ADNP2: variants seen among roughly 807,000 people sequenced by gnomAD.
The protein encoded by ADNP2 is activity-dependent neuroprotector homeobox protein 2.
Under a neutral mutation model 16.4 loss-of-function variants are expected in ADNP2, and 8 were observed. That is an observed-to-expected ratio of 0.49 (90% CI 0.29 to 0.88). The LOEUF (loss-of-function observed/expected upper bound fraction) is 0.88, where lower values mean the gene tolerates loss of function less well. Ranked by LOEUF, ADNP2 falls within the 40% of genes least tolerant of loss-of-function variation. ADNP2 has a pLI of 0.09. For synonymous variants in ADNP2, 637 were observed against 545.8 expected, an observed-to-expected ratio of 1.17 and a Z score of -2.33; for missense variants, 1,397 against 1,395.1, an observed-to-expected ratio of 1.00 and a Z score of -0.02.
At position 80,136,159 on chromosome 18, in the gene ADNP2, C is replaced by G; in HGVS notation, c.746C>G (p.Ser249Cys). ...IHRDLENKLR[S>C]VISEHIKRTG... The stretch of plus-strand genomic sequence containing the variant: ...AGAGATTTGGAGAATAAGCTTAGAT[C>G]TGTGATTTCAGAACATATTAAGAGG... Residue 249 changes from serine (S) to cysteine (C), a missense_variant, in exon 4 of 4, where the codon TCT becomes TGT. Ser to Cys is a moderately radical substitution (Grantham distance 112). Around this residue, in one of 3 missense-constraint regions of ADNP2, gnomAD observed 777 missense variants for 719.4 expected, o/e 1.08. Coordinates refer to ENST00000262198, the MANE Select transcript of ADNP2 (RefSeq NM_014913.4). 1 of 1,614,238 alleles carries G rather than the reference C, an allele frequency of 6.2e-7. No individual in the cohort carries two copies. Among genetic ancestry groups the G allele is most frequent in the African/African-American group, 1.3e-5 (1 of 75,070 alleles).
intron 2 of ADNP2, among the ~76,000 whole-genome samples, chr18:80,118,354 G>C (rs1568409067): frequency 1.3e-5 from 2 of 152,182 alleles, no homozygotes; most frequent in South Asian, 2.1e-4. Flanking sequence ...CTTGAACCTG[G>C]GTGGCAGAAG....
At position 80,138,887 on chromosome 18, in the gene ADNP2, C is replaced by T; in HGVS notation, c.*78C>T. 7.6e-7 allele frequency: 1 copy of T among 1,309,800 alleles called. No individual in the cohort carries two copies. Among genetic ancestry groups the T allele is most frequent in the Non-Finnish European group, 1.0e-6 (1 of 988,530 alleles). 81.1% of individuals were successfully genotyped at this position (1,309,800 alleles called of 1,614,324 possible). A position where few individuals can be genotyped will look rare whatever the true frequency, so the allele number is the denominator to read the frequency against. On this transcript the variant is annotated 3_prime_UTR_variant, in exon 4 of 4. Transcript: ENST00000262198. ...AGTTGAAATTTCACAGTGTTGTCCT[C>T]ACTGTGTTGGTGAATCAACCTCAGT...
At chr18:80,118,972 T>C (rs1008117711) in intron 2 of ADNP2, among the ~76,000 whole-genome samples, 1 of 152,180 alleles carries the variant, frequency 6.6e-6, no homozygotes, top group Non-Finnish European at 1.5e-5. Flanking sequence ...AGAAGTTTTT[T>C]ATAGGAAAAT....
chr18:80,131,074 C>G (rs2052493071), intron 2 of ADNP2, among the ~76,000 whole-genome samples: 1 of 152,126 alleles, frequency 6.6e-6, no homozygotes, highest in African/African-American at 2.4e-5. Context: ...AAGGTGGAGG[C>G]CTTCCTTCTA....
intron 2 of ADNP2, among the ~76,000 whole-genome samples, chr18:80,129,462 A>G (rs764705676): frequency 3.3e-5 from 5 of 152,044 alleles, no homozygotes; most frequent in Admixed American, 1.3e-4. Flanking sequence ...ACCCTGTTAC[A>G]TCTAGTGGTT....
intron 2 of ADNP2, among the ~76,000 whole-genome samples, chr18:80,127,204 G>A (rs182655719): frequency 3.3e-5 from 5 of 152,250 alleles, no homozygotes; most frequent in African/African-American, 7.2e-5. Flanking sequence ...TATATGTAGC[G>A]TTTGGCACTG....
Position 80,138,816 on chromosome 18 carries a change from C to CAAAAAAAA in ADNP2, c.*14_*21dup, listed in dbSNP as rs11411000. The CAAAAAAAA allele has an allele frequency of 8.9e-7, 1 of 1,128,708 alleles. No homozygotes were observed. The allele number at this position is 1,128,708 out of a possible 1,614,324, so 69.9% of individuals were successfully genotyped here. Reference sequence around the variant, plus strand: ...CTTTGAATATGAACCATAAAACTTGCAAAAAAAAAAAAAAGTAACTCTAAA... The same window carrying CAAAAAAAA: ...CTTTGAATATGAACCATAAAACTTGCAAAAAAAAAAAAAAAAAAAAAAGTAACTCTAAA... On this transcript the variant is annotated 3_prime_UTR_variant, in exon 4 of 4. Transcript: ENST00000262198.
chr18:80,112,078 C>T (rs1054638401), intron 1 of ADNP2, among the ~76,000 whole-genome samples: 4 of 152,014 alleles, frequency 2.6e-5, no homozygotes, highest in Non-Finnish European at 5.9e-5. Flanking sequence ...AGTTGGCCGC[C>T]CCGGTTAGCC....
chr18:80,132,630 T>TTCTCTCTTTTTTTCTCTC (rs2052504412), intron 2 of ADNP2, among the ~76,000 whole-genome samples: 1 of 151,636 alleles, frequency 6.6e-6, no homozygotes, highest in Admixed American at 6.6e-5. Flanking sequence ...TTTTTTCTCT[T>TTCTCTCTTTTTTTCTCTC]TCTCTCTTTT....
At chr18:80,128,669 T>A (rs1325337970) in intron 2 of ADNP2, among the ~76,000 whole-genome samples, 15 of 152,126 alleles carry the variant, frequency 9.9e-5, no homozygotes, top group Admixed American at 9.8e-4. Context: ...AATAAATAAA[T>A]AAAAATAAAG....
rs771009049 is a variant in ADNP2 at position 80,138,375 on chromosome 18, G to A, written c.2962G>A (p.Glu988Lys). Residue 988 changes from glutamate to lysine, a missense_variant, in exon 4 of 4, where the codon GAA (glutamate) becomes AAA (lysine). Glu to Lys is a moderately conservative substitution (Grantham distance 56). Around this residue, in one of 3 missense-constraint regions of ADNP2, gnomAD observed 611 missense variants for 648.7 expected, o/e 0.94. Coordinates refer to ENST00000262198, the MANE Select transcript of ADNP2 (RefSeq NM_014913.4). Reference protein sequence around the residue: ...RKLPDGHLGAEDQRHGEEQPP... With the variant: ...RKLPDGHLGAKDQRHGEEQPP... Reference sequence around the variant, plus strand: ...GCTGCCTGACGGCCACTTAGGGGCCGAAGACCAGCGGCATGGGGAGGAGCA... The same window carrying A: ...GCTGCCTGACGGCCACTTAGGGGCCAAAGACCAGCGGCATGGGGAGGAGCA... 1.7e-5 allele frequency: 28 copies of A among 1,613,954 alleles called. No individual in the cohort carries two copies. In the East Asian group the frequency reaches 2.2e-4, roughly 13 times the overall value.
At chr18:80,125,749 T>C (rs1215836141) in intron 2 of ADNP2, among the ~76,000 whole-genome samples, 1 of 152,148 alleles carries the variant, frequency 6.6e-6, no homozygotes, top group African/African-American at 2.4e-5. Flanking sequence ...AGTTCAAGGC[T>C]GCAATGAGCC....
chr18:80,136,996 C>T lies in ADNP2; in HGVS notation c.1583C>T (p.Ser528Phe). The change falls in exon 4 of 4, where the codon TCC (serine) becomes TTC (phenylalanine). Residue 528 changes from serine to phenylalanine, a missense_variant. Transcript: ENST00000262198. ...GLLSPNQTVS[S>F]SAVVPVNQGV... is the part of the protein sequence containing the mutation. ...CTTTCTCCCAACCAGACAGTCTCCT[C>T]CTCAGCTGTTGTGCCTGTAAACCAG... 6.2e-7 allele frequency: 1 copy of T among 1,614,124 alleles called. No homozygotes were observed. Among genetic ancestry groups the T allele is most frequent in the Non-Finnish European group, 8.5e-7 (1 of 1,180,002 alleles).
In ADNP2 at chr18:80,136,228, C is replaced by T; in HGVS notation, c.815C>T (p.Ala272Val). Residue 272 changes from alanine to valine, a missense_variant, in exon 4 of 4, where the codon GCA (alanine) becomes GTA (valine). Ala to Val is a moderately conservative substitution (Grantham distance 64, BLOSUM62 0). Around this residue, in one of 3 missense-constraint regions of ADNP2, gnomAD observed 777 missense variants for 719.4 expected, o/e 1.08. Coordinates refer to ENST00000262198, the MANE Select transcript of ADNP2 (RefSeq NM_014913.4). ...KQTHIAPKPA[A>V]HLAAPANGSA... ...ACGCACATTGCTCCAAAACCAGCAG[C>T]ACATTTGGCTGCACCAGCAAATGGC... 6.2e-7 allele frequency: 1 copy of T among 1,614,252 alleles called. No homozygotes were observed. The highest frequency in any genetic ancestry group is 8.5e-7 in the Non-Finnish European group (1 of 1,180,040).
intron 2 of ADNP2, among the ~76,000 whole-genome samples, chr18:80,129,006 A>T (rs1265836999): frequency 6.6e-6 from 1 of 150,816 alleles, no homozygotes; most frequent in South Asian, 2.1e-4. Flanking sequence ...TGCTTTTTTC[A>T]CTTTTCTCTG....
In ADNP2 at chr18:80,136,334, G is replaced by A; in HGVS notation, c.921G>A (p.Gln307=). ...PQNSPSPAAG[Q]PVTVAQGAPG... ...ACAGTCCAAGCCCAGCCGCAGGACA[G>A]CCAGTGACTGTGGCCCAGGGTGCCC... Residue 307 remains glutamine (Q), a synonymous_variant, in exon 4 of 4, where the codon CAG becomes CAA. Coordinates refer to ENST00000262198, the MANE Select transcript of ADNP2 (RefSeq NM_014913.4). The A allele has an allele frequency of 6.2e-7, 1 of 1,614,182 alleles. No individual in the cohort carries two copies. Among genetic ancestry groups the A allele is most frequent in the South Asian group, 1.1e-5 (1 of 91,088 alleles).
chr18:80,123,369 T>C (rs2052437408), intron 2 of ADNP2, among the ~76,000 whole-genome samples: 1 of 149,422 alleles, frequency 6.7e-6, no homozygotes, highest in Non-Finnish European at 1.5e-5. Context: ...TTTTTTTTTG[T>C]TTTTTGTTTT....
intron 2 of ADNP2, among the ~76,000 whole-genome samples, chr18:80,118,431 C>CAAAAAAAAAAAAAAAAAAAA (rs34136413): frequency 7.4e-6 from 1 of 135,050 alleles, no homozygotes; most frequent in Non-Finnish European, 1.6e-5. Context: ...GACTCTGTCT[C>CAAAAAAAAAAAAAAAAAAAA]AAAAAAAAAA....
rs989135337 is a variant in ADNP2 at position 80,124,249 on chromosome 18, T to C, written c.108+6599T>C. Among the ~76,000 whole-genome samples the C allele has an allele frequency of 8.5e-5, 13 of 152,212 alleles. No individual in the cohort carries two copies. The East Asian group carries it at 2.1e-3, about 25-fold the overall frequency. The stretch of plus-strand genomic sequence containing the variant: ...TCACATACAGTTGTTCCTAATAATC[T>C]GTCTCTCTCTCTGTCTCATTTTTCC... On this transcript the variant is annotated intron_variant, in intron 2 of 3. Coordinates refer to ENST00000262198, the MANE Select transcript of ADNP2 (RefSeq NM_014913.4).
Sources: gnomAD v4.1 joint callset for allele counts (sites outside exome capture counted in the v4.1 genomes callset) on GRCh38, gnomAD v4.1.1 for gene constraint, gnomAD v4.1.1 regional missense constraint, MANE v1.5 for transcripts, NCBI Gene and HGNC (gene_info 2026-07-23, HGNC 2026-07-21) for gene names.